Variants in PDE1C observed in about 807,000 individuals in gnomAD.
PDE1C encodes the protein phosphodiesterase 1C, also known as dual specificity calcium/calmodulin-dependent 3',5'-cyclic nucleotide phosphodiesterase 1C.
PDE1C carries 62 observed loss-of-function variants against 93.1 expected under a neutral mutation model. The observed-to-expected ratio is 0.67, with a 90% confidence interval of 0.54 to 0.82. The LOEUF is 0.82. Among genes scored for constraint, PDE1C ranks in the 40% least tolerant of loss-of-function variants. The pLI, the probability that PDE1C is intolerant of heterozygous loss-of-function variation, is 0.00. For synonymous variants in PDE1C, 325 were observed against 310.1 expected, an observed-to-expected ratio of 1.05 and a Z score of -0.50; for missense variants, 742 against 884.6, an observed-to-expected ratio of 0.84 and a Z score of 2.04.
chr7:32,027,422 T>C (rs1303246970), intron 2 of PDE1C, among the ~76,000 whole-genome samples: 1 of 151,964 alleles, frequency 6.6e-6, no homozygotes, highest in Non-Finnish European at 1.5e-5. Flanking sequence ...TAATGGTGTA[T>C]TGTGTGGGTT....
Position 31,809,032 on chromosome 7 carries a change from A to G in PDE1C, c.1890T>C (p.Asp630=). Reference sequence around the variant, plus strand: ...ATGTAATGAGAATAATACTCTTACCATCTGTTTTCTTTGAATCATTTCCGA... The same window carrying G: ...ATGTAATGAGAATAATACTCTTACCGTCTGTTTTCTTTGAATCATTTCCGA... ...SNIGNDSKKT[D]GTKQRSHGSP... The change falls in exon 16 of 18, where the codon GAT becomes GAC. Residue 630 remains aspartate, a splice_region_variant and synonymous_variant. Transcript: ENST00000396191. The G allele has an allele frequency of 6.5e-7, 1 of 1,539,982 alleles. No individual in the cohort carries two copies.
chr7:32,335,928 C>T (rs215653), intron 1 of PDE1C, among the ~76,000 whole-genome samples: 145,048 of 152,124 alleles, frequency 0.95, 69,342 homozygotes, highest in East Asian at 1. Context: ...CAGGGTCTCA[C>T]TATGTTGCCC....
At chr7:31,831,140 G>A (rs1790327308) in intron 11 of PDE1C, among the ~76,000 whole-genome samples, 1 of 152,140 alleles carries the variant, frequency 6.6e-6, no homozygotes, top group Non-Finnish European at 1.5e-5. Context: ...TGCAACAGAA[G>A]GATCAAGTTG....
the PDE1C span, among the ~76,000 whole-genome samples, chr7:31,617,916 A>G: frequency 6.6e-6 from 1 of 152,244 alleles, no homozygotes; most frequent in Non-Finnish European, 1.5e-5. Flanking sequence ...AAGAAGATAA[A>G]GTCCCTTTTC....
chr7:32,365,049 T>C (rs548277575), intron 1 of PDE1C, among the ~76,000 whole-genome samples: 27 of 152,298 alleles, frequency 1.8e-4, no homozygotes, highest in African/African-American at 6.5e-4. Context: ...GCAGAGCAGC[T>C]ATATGCCTAC....
chr7:32,131,534 C>A (rs143169191), intron 3 of PDE1C, among the ~76,000 whole-genome samples: 2 of 152,234 alleles, frequency 1.3e-5, no homozygotes, highest in African/African-American at 4.8e-5. Context: ...CTTAGAAGCC[C>A]TGATGAAACC....
intron 1 of PDE1C, among the ~76,000 whole-genome samples, chr7:32,290,439 A>G (rs1221934792): frequency 6.6e-6 from 1 of 152,126 alleles, no homozygotes; most frequent in African/African-American, 2.4e-5. Flanking sequence ...GCTACCAATT[A>G]ACAGGCACCT....
At chr7:32,041,986 G>A (rs527612832) in intron 2 of PDE1C, among the ~76,000 whole-genome samples, 17 of 152,160 alleles carry the variant, frequency 1.1e-4, no homozygotes, top group African/African-American at 4.1e-4. Flanking sequence ...AAAAAAGGAG[G>A]GGCTCCACAG....
intron 2 of PDE1C, among the ~76,000 whole-genome samples, chr7:32,049,243 C>G (rs1014319780): frequency 6.6e-6 from 1 of 152,170 alleles, no homozygotes; most frequent in African/African-American, 2.4e-5. Flanking sequence ...TGTACAAGCT[C>G]TCACTATATT....
intron 3 of PDE1C, among the ~76,000 whole-genome samples, chr7:32,117,433 C>T (rs1799044575): frequency 6.6e-6 from 1 of 152,202 alleles, no homozygotes; most frequent in African/African-American, 2.4e-5. Flanking sequence ...GGTAATAAAA[C>T]TGAGCCCCCT....
chr7:32,109,518 G>T (rs989976421), intron 3 of PDE1C, among the ~76,000 whole-genome samples: 2 of 152,132 alleles, frequency 1.3e-5, no homozygotes, highest in African/African-American at 2.4e-5. Flanking sequence ...TGCATTGTAG[G>T]ATGTTTAGCC....
At chr7:31,761,168 T>G (rs1794814105) in intron 17 of PDE1C, among the ~76,000 whole-genome samples, 1 of 152,226 alleles carries the variant, frequency 6.6e-6, no homozygotes, top group Non-Finnish European at 1.5e-5. Context: ...TTCACACACA[T>G]GCAATCTGAA....
chr7:31,851,113 A>G (rs192234318), intron 7 of PDE1C, among the ~76,000 whole-genome samples: 1 of 150,634 alleles, frequency 6.6e-6, no homozygotes, highest in Non-Finnish European at 1.5e-5. Flanking sequence ...AAAAAATTAG[A>G]AATTTGAATG....
At chr7:31,823,027 C>A (rs886947992) in intron 14 of PDE1C, 46 bp downstream of exon 14, 2 of 1,495,816 alleles carry the variant, frequency 1.3e-6, no homozygotes, top group Admixed American at 2.1e-5. Flanking sequence ...GAGAGGACAA[C>A]CTTGTTTTAT....
intron 3 of PDE1C, among the ~76,000 whole-genome samples, chr7:32,087,904 T>C (rs937037137): frequency 1.3e-5 from 2 of 151,598 alleles, no homozygotes; most frequent in African/African-American, 4.9e-5. Flanking sequence ...TAATGCTAAA[T>C]GACGAGTTAA....
chr7:32,007,763 GA>G (rs1370702115), intron 2 of PDE1C, among the ~76,000 whole-genome samples: 2 of 152,062 alleles, frequency 1.3e-5, no homozygotes, highest in East Asian at 3.9e-4. Flanking sequence ...TACCAGCATG[GA>G]AACTCAAATA....
chr7:31,832,473 A>C (rs1241541319), intron 11 of PDE1C, among the ~76,000 whole-genome samples: 1 of 152,218 alleles, frequency 6.6e-6, no homozygotes, highest in East Asian at 1.9e-4. Context: ...CAGCACTGAG[A>C]CTATGCCCTT....
chr7:32,064,467 C>T (rs1795148592), intron 1 of PDE1C, among the ~76,000 whole-genome samples: 1 of 152,188 alleles, frequency 6.6e-6, no homozygotes, highest in African/African-American at 2.4e-5. Context: ...AACATGCCCC[C>T]TGTTCTTTCA....
chr7:31,758,519 T>C (rs1251518259), intron 17 of PDE1C, among the ~76,000 whole-genome samples: 6 of 152,156 alleles, frequency 3.9e-5, no homozygotes, highest in African/African-American at 1.4e-4. Context: ...CCTTCGAAAC[T>C]TTTAACTCAC....
Sources: allele counts gnomAD v4.1 joint callset (sites outside exome capture counted in the v4.1 genomes callset), GRCh38; gene constraint gnomAD v4.1.1; transcripts MANE v1.5; gene names NCBI Gene and HGNC (gene_info 2026-07-23, HGNC 2026-07-21).